The following WDR12 variants were observed in gnomAD, a reference collection of about 807,000 sequenced individuals.
WDR12 encodes the protein WD repeat domain 12, also known as ribosome biogenesis protein WDR12.
A neutral mutation model predicts 64.3 loss-of-function variants in WDR12; 42 were observed. The ratio of observed to expected loss-of-function variants is 0.65; its 90% CI spans 0.51 to 0.84. The LOEUF is 0.84. Among genes scored for constraint, WDR12 ranks in the 40% least tolerant of loss-of-function variants. WDR12 has a pLI of 0.00. For missense variants in WDR12, 469 were observed against 494.6 expected (o/e 0.95, Z 0.49); for synonymous variants, 158 against 173.3 (o/e 0.91, Z 0.70).
At position 202,876,685 on chromosome 2, in the gene WDR12, G is replaced by A. The variant is rs376780640; in HGVS notation, c.*4175C>T. The A allele has an allele frequency of 3.3e-5, 5 of 152,004 alleles. No individual in the cohort carries two copies. In the East Asian group the frequency reaches 5.8e-4, roughly 18 times the overall value. The allele number at this position is 152,004 out of a possible 1,614,324, so 9.4% of individuals were successfully genotyped here. On this transcript the variant is annotated 3_prime_UTR_variant, in exon 13 of 13. Transcript: ENST00000261015. ...AGGCACAGTGGCATGCCTATAATCC[G>A]AGCACTTAGGGAGGCTGAGGCATGA...
At chr2:202,887,819 C>T (rs1250422671) in intron 8 of WDR12, among the ~76,000 whole-genome samples, 4 of 145,218 alleles carry the variant, frequency 2.8e-5, no homozygotes, top group South Asian at 2.2e-4. Context: ...ACCCGGGAAG[C>T]GGAGCTTGCA....
At chr2:202,904,660 A>C (rs900083801) in intron 2 of WDR12, among the ~76,000 whole-genome samples, 1 of 152,248 alleles carries the variant, frequency 6.6e-6, no homozygotes, top group Non-Finnish European at 1.5e-5. Context: ...TGCCACATAC[A>C]AAAGTCAAAA....
intron 2 of WDR12, among the ~76,000 whole-genome samples, chr2:202,906,103 A>G (rs1235708612): frequency 1.3e-5 from 2 of 152,174 alleles, no homozygotes; most frequent in African/African-American, 4.8e-5. Flanking sequence ...ATTACACCTT[A>G]TATGCCTGTA....
chr2:202,894,129 C>T (rs1371647950), intron 7 of WDR12, among the ~76,000 whole-genome samples: 1 of 151,844 alleles, frequency 6.6e-6, no homozygotes, highest in Non-Finnish European at 1.5e-5. Flanking sequence ...AAAAAAAAAT[C>T]TTGAAACACA....
Position 202,875,326 on chromosome 2 carries a change from C to G in WDR12, c.*5534G>C, listed in dbSNP as rs1284975221. On this transcript the variant is annotated 3_prime_UTR_variant, in exon 13 of 13. Coordinates refer to ENST00000261015, the MANE Select transcript of WDR12 (RefSeq NM_018256.4). ...AATTAATTTTAAAGGCAAAAAAATGCAAAGCTGAACATATTATTGTAATTT... is the reference window on the plus strand; with the variant it reads ...AATTAATTTTAAAGGCAAAAAAATGGAAAGCTGAACATATTATTGTAATTT... 2.7e-5 allele frequency: 4 copies of G among 150,756 alleles called. No individual in the cohort carries two copies. Among genetic ancestry groups the G allele is most frequent in the Non-Finnish European group, 5.9e-5 (4 of 67,792 alleles). 9.3% of individuals were successfully genotyped at this position (150,756 alleles called of 1,614,324 possible).
At chr2:202,900,677 T>C (rs551690755) in intron 3 of WDR12, among the ~76,000 whole-genome samples, 1 of 152,326 alleles carries the variant, frequency 6.6e-6, no homozygotes, top group East Asian at 1.9e-4. Context: ...CCAGTTATTT[T>C]GTGCACCAGT....
At chr2:202,908,432 C>T (rs976466325) in intron 1 of WDR12, among the ~76,000 whole-genome samples, 2 of 152,128 alleles carry the variant, frequency 1.3e-5, no homozygotes, top group Non-Finnish European at 2.9e-5. Context: ...TGCACTCCAG[C>T]CTGGGTGACA....
chr2:202,884,577 C>G, intron 8 of WDR12, 42 bp from the exon 9 acceptor site: 1 of 1,573,050 alleles, frequency 6.4e-7, no homozygotes, highest in East Asian at 2.3e-5. Context: ...GTTTTCATTA[C>G]AGAATAATTG....
At position 202,884,210 on chromosome 2, in the gene WDR12, G is replaced by T. The variant is rs749587828; in HGVS notation, c.976C>A (p.Pro326Thr). ...STDRHIRLWD[P>T]RTKDGSLVSL... is the part of the protein sequence containing the mutation. ...TTACATGACTCACCTTTAGTTCGGG[G>T]ATCCCACAGTCTGATATGCCTATCT... The change falls in exon 10 of 13, where the codon CCC becomes ACC. Residue 326 changes from proline (P) to threonine (T), a missense_variant. Physicochemically the swap from Pro to Thr is conservative, Grantham distance 38. Coordinates refer to ENST00000261015, the MANE Select transcript of WDR12 (RefSeq NM_018256.4). 2 of 1,612,674 alleles carry T rather than the reference G, an allele frequency of 1.2e-6. No individual in the cohort carries two copies. Among genetic ancestry groups the T allele is most frequent in the Admixed American group, 3.3e-5 (2 of 59,966 alleles).
chr2:202,882,933 T>C (rs2105902627), intron 11 of WDR12, 150 bp from the exon 12 acceptor site: 1 of 581,946 alleles, frequency 1.7e-6, no homozygotes, highest in South Asian at 2.5e-5. Context: ...TATTTGATCA[T>C]CTCTCCTCTT....
intron 1 of WDR12, among the ~76,000 whole-genome samples, chr2:202,909,032 C>T (rs146010308): frequency 1.3e-5 from 2 of 152,264 alleles, no homozygotes; most frequent in African/African-American, 4.8e-5. Flanking sequence ...AAAAAGACAG[C>T]TAATAACAAG....
At chr2:202,894,455 C>G in intron 7 of WDR12, 126 bp downstream of exon 7, 3 of 728,778 alleles carry the variant, frequency 4.1e-6, no homozygotes, top group African/African-American at 1.8e-5. Flanking sequence ...CTCGTGGCCT[C>G]AAGTGATCCT....
chr2:202,908,991 A>G (rs1688514889), intron 1 of WDR12, among the ~76,000 whole-genome samples: 1 of 152,270 alleles, frequency 6.6e-6, no homozygotes, highest in Non-Finnish European at 1.5e-5. Context: ...ACAATGAAAT[A>G]TAATTTCACA....
chr2:202,892,537 CA>C (rs1469704630), intron 8 of WDR12, 79 bp downstream of exon 8: 7 of 957,614 alleles, frequency 7.3e-6, no homozygotes, highest in Admixed American at 2.3e-5. Context: ...GCAACATAAA[CA>C]AAAAAGACCA....
At chr2:202,884,089 G>C in intron 10 of WDR12, 109 bp downstream of exon 10, 1 of 1,102,348 alleles carries the variant, frequency 9.1e-7, no homozygotes, top group Non-Finnish European at 1.3e-6. Flanking sequence ...GGGATTACAG[G>C]CATGAGCCAC....
At chr2:202,909,014 C>T (rs1186676750) in intron 1 of WDR12, among the ~76,000 whole-genome samples, 2 of 152,168 alleles carry the variant, frequency 1.3e-5, no homozygotes, top group African/African-American at 4.8e-5. Flanking sequence ...CACTAGGGTG[C>T]TATAAGTAAA....
chr2:202,900,681 C>T (rs1688332762), intron 3 of WDR12, among the ~76,000 whole-genome samples: 1 of 152,124 alleles, frequency 6.6e-6, no homozygotes, highest in Non-Finnish European at 1.5e-5. Context: ...TTATTTTGTG[C>T]ACCAGTATTT....
At chr2:202,894,529 A>G in intron 7 of WDR12, 52 bp downstream of exon 7, 1 of 1,511,376 alleles carries the variant, frequency 6.6e-7, no homozygotes, top group South Asian at 1.2e-5. Flanking sequence ...CTCCGAATTT[A>G]AATTTTTGAA....
chr2:202,877,106 A>C lies in WDR12; in HGVS notation c.*3754T>G, dbSNP rs971754621. 1.2e-5 allele frequency: 1 copy of C among 80,354 alleles called. No individual in the cohort carries two copies. The highest frequency in any genetic ancestry group is 1.4e-4 in the Admixed American group (1 of 7,266). The allele number at this position is 80,354 out of a possible 1,614,324, so 5.0% of individuals were successfully genotyped here. ...TCAGAAATTCCCAGATGGTATATAT[A>C]TATATATATTTTTTTTTTTGCAGGG... On this transcript the variant is annotated 3_prime_UTR_variant, in exon 13 of 13. Coordinates refer to ENST00000261015, the MANE Select transcript of WDR12 (RefSeq NM_018256.4).
Sources: gnomAD v4.1 joint callset for allele counts (sites outside exome capture counted in the v4.1 genomes callset) on GRCh38, gnomAD v4.1.1 for gene constraint, MANE v1.5 for transcripts, NCBI Gene and HGNC (gene_info 2026-07-23, HGNC 2026-07-21) for gene names.